Variants in AKAIN1 observed in about 807,000 individuals in gnomAD.
The protein encoded by AKAIN1 is A-kinase anchor inhibitor 1, also known as A-kinase anchor protein inhibitor 1.
A neutral mutation model predicts 3.7 loss-of-function variants in AKAIN1; 3 were observed. That is an observed-to-expected ratio of 0.82 (90% CI 0.37 to 2.12). The LOEUF (loss-of-function observed/expected upper bound fraction) is 2.12. Ranked by LOEUF, AKAIN1 falls within the 30% of genes most tolerant of loss-of-function variation. The pLI, the probability that AKAIN1 is intolerant of heterozygous loss-of-function variation, is 0.06. For missense variants in AKAIN1, 82 were observed against 82.7 expected (o/e 0.99, Z 0.03); for synonymous variants, 31 against 30.8 (o/e 1.01, Z -0.02).
At chr18:5,194,656 C>G (rs2071338291) in intron 1 of AKAIN1, among the ~76,000 whole-genome samples, 1 of 152,166 alleles carries the variant, frequency 6.6e-6, no homozygotes, top group African/African-American at 2.4e-5. Flanking sequence ...TTCTTGCCCT[C>G]CTGTGCTAAA....
rs1319461865 is a variant in AKAIN1, at chr18:5,149,410, TAG to T, written c.17-3657_17-3656del. On this transcript the variant is annotated intron_variant, in intron 1 of 1. Transcript: ENST00000434239. ...GGCAGAGGGGAGGGGACCATGAAAA[TAG>T]AGATACAAATGTCGTAGCCAAGTGT... 5.3e-5 allele frequency among the ~76,000 whole-genome samples: 8 copies of T among 152,200 alleles called. No individual in the cohort carries two copies. In the East Asian group the frequency reaches 7.7e-4, roughly 15 times the overall value.
chr18:5,185,636 C>A (rs2071283234), intron 1 of AKAIN1, among the ~76,000 whole-genome samples: 2 of 151,982 alleles, frequency 1.3e-5, no homozygotes, highest in Admixed American at 1.3e-4. Flanking sequence ...AAAATTAAAA[C>A]AACGAGGTAC....
At chr18:5,163,516 T>C (rs529567696) in intron 1 of AKAIN1, among the ~76,000 whole-genome samples, 2 of 152,016 alleles carry the variant, frequency 1.3e-5, no homozygotes, top group Non-Finnish European at 2.9e-5. Flanking sequence ...TGTTGAGAGA[T>C]AGAAATAAAC....
At chr18:5,160,125 T>C (rs1438749238) in intron 1 of AKAIN1, among the ~76,000 whole-genome samples, 1 of 152,172 alleles carries the variant, frequency 6.6e-6, no homozygotes, top group African/African-American at 2.4e-5. Context: ...GTTGTCTGCA[T>C]TGTAGAGAAT....
At chr18:5,197,274 C>T, upstream of AKAIN1, 1 of 1,372,562 alleles carries the variant, frequency 7.3e-7, no homozygotes, top group African/African-American at 1.5e-5. The surrounding 1 kb of genome is among the most constrained non-coding windows in gnomAD (Gnocchi z 6.9). Context: ...ACAGCGGCGG[C>T]GGGAGGAGGA....
chr18:5,147,362 C>T (rs1180968150), intron 1 of AKAIN1, among the ~76,000 whole-genome samples: 8 of 152,096 alleles, frequency 5.3e-5, no homozygotes, highest in African/African-American at 1.2e-4. Context: ...AGATGTAATA[C>T]GAACTCATGC....
rs2071042191 is a variant in AKAIN1 at position 5,145,307 on chromosome 18, C to T, written c.*255G>A. ...AAAAGAACTTTAAAAATAAATTGGC[C>T]TGCAAAACTACTTTTGCAATTACAG... On this transcript the variant is annotated 3_prime_UTR_variant, in exon 2 of 2. Coordinates refer to ENST00000434239, the MANE Select transcript of AKAIN1 (RefSeq NM_001145194.2). 2 of 348,430 alleles carry T rather than the reference C, an allele frequency of 5.7e-6. No individual in the cohort carries two copies. Among genetic ancestry groups the T allele is most frequent in the Admixed American group, 4.4e-5 (1 of 22,902 alleles). 21.6% of individuals were successfully genotyped at this position (348,430 alleles called of 1,614,324 possible). A position where few individuals can be genotyped will look rare whatever the true frequency, so the allele number is the denominator to read the frequency against.
intron 1 of AKAIN1, among the ~76,000 whole-genome samples, chr18:5,185,574 T>G (rs1322482130): frequency 6.6e-6 from 1 of 152,080 alleles, no homozygotes; most frequent in Admixed American, 6.6e-5. Context: ...GACATACATG[T>G]AGCCAATAAG....
At chr18:5,157,334 T>C (rs1000158788) in intron 1 of AKAIN1, among the ~76,000 whole-genome samples, 47 of 152,302 alleles carry the variant, frequency 3.1e-4, no homozygotes, top group African/African-American at 1.1e-3. Context: ...AAATGGAAAA[T>C]ATATAAATGT....
At chr18:5,194,949 C>T (rs1567881670) in intron 1 of AKAIN1, among the ~76,000 whole-genome samples, 1 of 152,242 alleles carries the variant, frequency 6.6e-6, no homozygotes, top group East Asian at 1.9e-4. Context: ...AATGAGGTTG[C>T]AGTGCTGAAA....
chr18:5,154,189 G>GA (rs2071094201), intron 1 of AKAIN1, among the ~76,000 whole-genome samples: 2 of 152,188 alleles, frequency 1.3e-5, no homozygotes, highest in South Asian at 4.2e-4. Context: ...CAACCATGAA[G>GA]AAAAAATTGG....
intron 1 of AKAIN1, among the ~76,000 whole-genome samples, chr18:5,164,981 C>T (rs1221916027): frequency 2.0e-5 from 3 of 151,974 alleles, no homozygotes; most frequent in Non-Finnish European, 4.4e-5. Flanking sequence ...ACATTTTCCT[C>T]TATGATTTGA....
intron 1 of AKAIN1, among the ~76,000 whole-genome samples, chr18:5,165,168 A>G (rs2071160894): frequency 6.6e-6 from 1 of 152,012 alleles, no homozygotes; most frequent in African/African-American, 2.4e-5. Context: ...TAAAAGAGAT[A>G]GAGGAACCCA....
chr18:5,165,012 G>A (rs183693588), intron 1 of AKAIN1, among the ~76,000 whole-genome samples: 100 of 151,994 alleles, frequency 6.6e-4, no homozygotes, highest in Non-Finnish European at 1.1e-3. Context: ...ACCTTTCTAG[G>A]CCATTAATTA....
At chr18:5,148,730 A>G (rs906600441) in intron 1 of AKAIN1, among the ~76,000 whole-genome samples, 5 of 152,000 alleles carry the variant, frequency 3.3e-5, no homozygotes, top group Non-Finnish European at 2.9e-5. Flanking sequence ...GGTGGCGAGC[A>G]CCTGTAGTCC....
intron 1 of AKAIN1, among the ~76,000 whole-genome samples, chr18:5,179,539 T>C (rs971990883): frequency 6.6e-6 from 1 of 152,118 alleles, no homozygotes; most frequent in Non-Finnish European, 1.5e-5. Context: ...GCAATAAACA[T>C]ATGAATGCAG....
chr18:5,159,802 G>A (rs532098452), intron 1 of AKAIN1, among the ~76,000 whole-genome samples: 1 of 152,242 alleles, frequency 6.6e-6, no homozygotes, highest in South Asian at 2.1e-4. Context: ...GATCCTAGAC[G>A]CCACCTGAGT....
intron 1 of AKAIN1, among the ~76,000 whole-genome samples, chr18:5,196,712 TG>T (rs1379582767): frequency 6.6e-6 from 1 of 152,182 alleles, no homozygotes; most frequent in African/African-American, 2.4e-5. Flanking sequence ...TCCACTCTCT[TG>T]CCCGTGTAGG....
intron 1 of AKAIN1, among the ~76,000 whole-genome samples, chr18:5,188,275 C>T (rs911323142): frequency 1.3e-5 from 2 of 152,000 alleles, no homozygotes; most frequent in African/African-American, 2.4e-5. Context: ...GGTAACCCTA[C>T]AGTTCTGTGG....
Sources: allele counts gnomAD v4.1 joint callset (sites outside exome capture counted in the v4.1 genomes callset), GRCh38; gene constraint gnomAD v4.1.1; non-coding constraint Gnocchi (gnomAD v3.1); transcripts MANE v1.5; gene names NCBI Gene and HGNC (gene_info 2026-07-23, HGNC 2026-07-21).